Variants in TGFB3 observed in about 807,000 individuals in gnomAD.
TGFB3 encodes transforming growth factor beta-3 proprotein.
In TGFB3, 5 loss-of-function variants were observed where a neutral mutation model predicts 40.1. That is an observed-to-expected ratio of 0.12 (90% CI 0.07 to 0.26). The LOEUF is 0.26. Among genes scored for constraint, TGFB3 ranks in the 10% least tolerant of loss-of-function variants. TGFB3 has a pLI of 1.00. For synonymous variants in TGFB3, 184 were observed against 205.6 expected, an observed-to-expected ratio of 0.89 and a Z score of 0.90; for missense variants, 373 against 530.1, an observed-to-expected ratio of 0.70 and a Z score of 2.91.
Position 75,958,754 on chromosome 14 carries a change from A to G in TGFB3, c.*433T>C. 3.7e-6 allele frequency: 1 copy of G among 273,378 alleles called. No homozygotes were observed. Among genetic ancestry groups the G allele is most frequent in the Non-Finnish European group, 7.2e-6 (1 of 138,626 alleles). 16.9% of individuals were successfully genotyped at this position (273,378 alleles called of 1,614,324 possible). On this transcript the variant is annotated 3_prime_UTR_variant, in exon 7 of 7. Transcript: ENST00000238682. ...TTGTATAACATAATCCAGATTCCCT[A>G]GAGCAGATGTGGTACAGCAATGAGC...
intron 1 of TGFB3, among the ~76,000 whole-genome samples, chr14:75,972,908 G>C (rs2035310843): frequency 6.6e-6 from 1 of 152,154 alleles, no homozygotes; most frequent in East Asian, 1.9e-4. Context: ...TGACCAAGCT[G>C]GTGTGTCACC....
At chr14:75,963,924 T>C (rs987085769) in intron 4 of TGFB3, among the ~76,000 whole-genome samples, 9 of 152,172 alleles carry the variant, frequency 5.9e-5, no homozygotes, top group African/African-American at 2.2e-4. Flanking sequence ...TTGGCCAGGC[T>C]GGAGTGCAGT....
At position 75,978,780 on chromosome 14, in the gene TGFB3, A is replaced by C. The variant is rs1294109476; in HGVS notation, c.352+1762T>G. Among the ~76,000 whole-genome samples, 1 of 152,154 alleles carries C rather than the reference A, an allele frequency of 6.6e-6. No homozygotes were observed. Among genetic ancestry groups the C allele is most frequent in the African/African-American group, 2.4e-5 (1 of 41,444 alleles). ...CTTGCACCTGCATGGCCTTGCCTCC[A>C]CGTGGCTCATTCATTCTCAGCTCAG... is the stretch of plus-strand genomic sequence containing the variant. On this transcript the variant is annotated intron_variant, in intron 1 of 6. Coordinates refer to ENST00000238682, the MANE Select transcript of TGFB3 (RefSeq NM_003239.5). This position sits in a 1 kb window ranked among gnomAD's most constrained non-coding sequence, Gnocchi z 5.0.
At chr14:75,964,547 A>C (rs2035198942) in intron 4 of TGFB3, among the ~76,000 whole-genome samples, 1 of 152,222 alleles carries the variant, frequency 6.6e-6, no homozygotes, top group African/African-American at 2.4e-5. Context: ...ACAGCTGCCA[A>C]CTGTTGTCCA....
At chr14:75,970,475 G>A (rs1005189381) in intron 3 of TGFB3, among the ~76,000 whole-genome samples, 3 of 151,602 alleles carry the variant, frequency 2.0e-5, no homozygotes, top group African/African-American at 7.3e-5. Flanking sequence ...CGTGAGAATC[G>A]CTTGAACCCA....
Position 75,963,202 on chromosome 14 carries a change from T to C in TGFB3, c.926+114A>G, listed in dbSNP as rs2035178622. On this transcript the variant is annotated intron_variant, in intron 5 of 6. Transcript: ENST00000238682. ...TTTTCAGTCTTCTTCCTGGAGATGT[T>C]TGTGAATAGCATCAGGGACCCTCTG... is the stretch of plus-strand genomic sequence containing the variant. 2.6e-6 allele frequency: 3 copies of C among 1,172,326 alleles called. No individual in the cohort carries two copies. In the Admixed American group the frequency reaches 5.2e-5, roughly 20 times the overall value. The allele number at this position is 1,172,326 out of a possible 1,614,324, so 72.6% of individuals were successfully genotyped here.
rs45586636 is a variant in TGFB3, at chr14:75,971,261, G to C, written c.517-6C>G. On this transcript the variant is annotated splice_region_variant and splice_polypyrimidine_tract_variant and intron_variant, in intron 2 of 6. Coordinates refer to ENST00000238682, the MANE Select transcript of TGFB3 (RefSeq NM_003239.5). This position sits in a 1 kb window ranked among gnomAD's most constrained non-coding sequence, Gnocchi z 4.5. The stretch of plus-strand genomic sequence containing the variant: ...TGCTCATCTGGCCGAAGGATCTACA[G>C]GGCAGAGAAAGGAGTGAGTACCCGA... The C allele has an allele frequency of 1.6e-4, 252 of 1,614,104 alleles. 3 individuals are homozygous for C. In the East Asian group the frequency reaches 5.5e-3, roughly 35 times the overall value.
chr14:75,960,878 G>A (rs1284581516), intron 6 of TGFB3, 45 bp downstream of exon 6: 4 of 1,613,198 alleles, frequency 2.5e-6, no homozygotes, highest in Non-Finnish European at 3.4e-6. Flanking sequence ...AAGTGGTCTG[G>A]TCGGTCAGCC....
rs369381196 is a variant in TGFB3 at position 75,965,694 on chromosome 14, C to T, written c.648G>A (p.Glu216=). The T allele has an allele frequency of 1.9e-6, 3 of 1,613,336 alleles. No individual in the cohort carries two copies. The highest frequency in any genetic ancestry group is 1.7e-6 in the Non-Finnish European group (2 of 1,179,396). The change falls in exon 4 of 7, where the codon GAG becomes GAA. Residue 216 remains glutamate, a splice_region_variant and synonymous_variant. Coordinates refer to ENST00000238682, the MANE Select transcript of TGFB3 (RefSeq NM_003239.5). ...DTVREWLLRR[E]SNLGLEISIH... is the part of the protein sequence containing the mutation. ...TGCTGATTTCTAGACCTAAGTTGGA[C>T]TCTGCAAAATAAGACAGAATTAGTG... is the stretch of plus-strand genomic sequence containing the variant.
Position 75,979,408 on chromosome 14 carries a change from G to T in TGFB3, c.352+1134C>A, listed in dbSNP as rs2035394371. 6.6e-6 allele frequency among the ~76,000 whole-genome samples: 1 copy of T among 152,078 alleles called. No homozygotes were observed. The highest frequency in any genetic ancestry group is 2.4e-5 in the African/African-American group (1 of 41,416). On this transcript the variant is annotated intron_variant, in intron 1 of 6. Transcript: ENST00000238682. The surrounding 1 kb of genome is among the most constrained non-coding windows in gnomAD (Gnocchi z 4.8). ...CAGGAGCTGCCCACCTCCCAGGTGGGCCTGGGCTGAGGTAGTCAGGGCGGC... is the reference window on the plus strand; with the variant it reads ...CAGGAGCTGCCCACCTCCCAGGTGGTCCTGGGCTGAGGTAGTCAGGGCGGC...
chr14:75,964,675 T>C (rs2035200832), intron 4 of TGFB3, among the ~76,000 whole-genome samples: 1 of 152,150 alleles, frequency 6.6e-6, no homozygotes, highest in Non-Finnish European at 1.5e-5. Context: ...ACAAATCCCT[T>C]TTTCTGAAAA....
intron 1 of TGFB3, among the ~76,000 whole-genome samples, chr14:75,973,330 G>A (rs1373205038): frequency 6.6e-6 from 1 of 152,230 alleles, no homozygotes; most frequent in African/African-American, 2.4e-5. Context: ...AGTGTTTCTG[G>A]AAATTGCCAT....
intron 1 of TGFB3, among the ~76,000 whole-genome samples, chr14:75,972,562 G>C (rs1243373099): frequency 6.6e-6 from 1 of 152,142 alleles, no homozygotes; most frequent in Admixed American, 6.5e-5. Flanking sequence ...AGCACTTCAC[G>C]GAAGGGGTGA....
At chr14:75,961,220 GGCA>G in intron 5 of TGFB3, 144 bp from the exon 6 acceptor site, 5 of 918,268 alleles carry the variant, frequency 5.4e-6, no homozygotes, top group Non-Finnish European at 8.4e-6. Context: ...AAGGGCATGG[GGCA>G]GAAGAAACCA....
intron 3 of TGFB3, among the ~76,000 whole-genome samples, chr14:75,969,470 C>T (rs1218098133): frequency 6.6e-6 from 1 of 152,230 alleles, no homozygotes; most frequent in Non-Finnish European, 1.5e-5. Flanking sequence ...GGTCAAGTCA[C>T]TTAACTTCTC....
chr14:75,970,981 G>T, intron 3 of TGFB3, 145 bp downstream of exon 3: 1 of 1,159,030 alleles, frequency 8.6e-7, no homozygotes, highest in Non-Finnish European at 1.3e-6. Flanking sequence ...TTAGTTGAGT[G>T]AATGAATGGA....
At position 75,969,562 on chromosome 14, in the gene TGFB3, T is replaced by C. The variant is rs3917181; in HGVS notation, c.646+1564A>G. 3.7e-4 allele frequency among the ~76,000 whole-genome samples: 56 copies of C among 152,294 alleles called. No homozygotes were observed. In the South Asian group the frequency reaches 0.011, roughly 31 times the overall value. ...AACCATGAAGTTCTCTCAAATACAT[T>C]TGATCCTTAAAACAGCTCTGTGAGG... On this transcript the variant is annotated intron_variant, in intron 3 of 6. Coordinates refer to ENST00000238682, the MANE Select transcript of TGFB3 (RefSeq NM_003239.5).
rs535278172 is a variant in TGFB3 at position 75,967,013 on chromosome 14, C to A, written c.647-1318G>T. On this transcript the variant is annotated intron_variant, in intron 3 of 6. Transcript: ENST00000238682. ...TTGATTGATTTGCTGCTCCCTGAGG[C>A]CACACACCATGTGTGTGAGCATCTG... Among the ~76,000 whole-genome samples, 4 of 152,280 alleles carry A rather than the reference C, an allele frequency of 2.6e-5. No individual in the cohort carries two copies. The South Asian group carries it at 8.3e-4, about 32-fold the overall frequency.
chr14:75,959,292 G>A lies in TGFB3; in HGVS notation c.1134C>T (p.Cys378=), dbSNP rs780993645. The A allele has an allele frequency of 5.6e-6, 9 of 1,614,034 alleles. No homozygotes were observed. In the East Asian group the frequency reaches 6.7e-5, roughly 12 times the overall value. Residue 378 remains cysteine, a synonymous_variant, in exon 7 of 7, where the codon TGC becomes TGT. Transcript: ENST00000238682. ...LNPEASASPC[C]VPQDLEPLTI... ...TCAGGGGCTCCAGGTCCTGGGGCAC[G>A]CAGCAAGGCGAGGCAGATGCTTCAG...
Sources: gnomAD v4.1 joint callset for allele counts (sites outside exome capture counted in the v4.1 genomes callset) on GRCh38, gnomAD v4.1.1 for gene constraint, Gnocchi (gnomAD v3.1) non-coding constraint, MANE v1.5 for transcripts, NCBI Gene and HGNC (gene_info 2026-07-23, HGNC 2026-07-21) for gene names.